Variants in GAK observed in about 807,000 individuals in gnomAD.
GAK encodes the protein cyclin-G-associated kinase.
Under a neutral mutation model 143.9 loss-of-function variants are expected in GAK, and 79 were observed. The observed-to-expected ratio is 0.55, with a 90% CI of 0.46 to 0.66. GAK has a LOEUF of 0.66. Among genes scored for constraint, GAK ranks in the 30% least tolerant of loss-of-function variants. The pLI is 0.00. For synonymous variants in GAK, 881 were observed against 765.5 expected, an observed-to-expected ratio of 1.15 and a Z score of -2.49; for missense variants, 1,693 against 1,779.7, an observed-to-expected ratio of 0.95 and a Z score of 0.88.
chr4:890,540 T>C lies in GAK; in HGVS notation c.1073A>G (p.Tyr358Cys), dbSNP rs1717424984. 6.2e-7 allele frequency: 1 copy of C among 1,607,930 alleles called. No homozygotes were observed. The highest frequency in any genetic ancestry group is 8.5e-7 in the Non-Finnish European group (1 of 1,177,512). The change falls in exon 10 of 28, where the codon TAC becomes TGC. Residue 358 changes from tyrosine (Y) to cysteine (C), a missense_variant. By Grantham distance (194) the Tyr-to-Cys change is radical. Around this residue, in one of 2 missense-constraint regions of GAK, gnomAD observed 871 missense variants for 991.0 expected, o/e 0.88. Coordinates refer to ENST00000314167, the MANE Select transcript of GAK (RefSeq NM_005255.4). ...CAGGACAGGGCACTCACCTCCACTG[T>C]AGCCACTGCCAGCGGGGCCCACGGG... ...PPPVGPAGSG[Y>C]SGGLALAEYD...
At chr4:886,246 A>G in intron 11 of GAK, 1 of 152,336 alleles carries the variant, frequency 6.6e-6, no homozygotes, top group Non-Finnish European at 1.5e-5. Flanking sequence ...CCATCCCCTA[A>G]CAAGCAGCAG....
At chr4:881,882 C>G in intron 15 of GAK, 25 bp downstream of exon 15, 1 of 1,553,106 alleles carries the variant, frequency 6.4e-7, no homozygotes. Context: ...GAGCTGTCCC[C>G]TGTCCCCGGA....
chr4:881,016 G>A (rs1006955856), intron 15 of GAK, among the ~76,000 whole-genome samples: 1 of 152,190 alleles, frequency 6.6e-6, no homozygotes, highest in African/African-American at 2.4e-5. Flanking sequence ...GACAAAGCTG[G>A]ATGGGGCGGC....
At chr4:858,353 CGCCCACCGAGCCAGCAGGCG>C (rs1560285187) in intron 24 of GAK, among the ~76,000 whole-genome samples, 2 of 152,198 alleles carry the variant, frequency 1.3e-5, no homozygotes, top group African/African-American at 4.8e-5. Flanking sequence ...GGTTTCAGGC[CGCCCACCGAGCCAGCAGGCG>C]GAGGGCTGGG....
At chr4:899,384 AGATG>A (rs1719418415) in intron 5 of GAK, among the ~76,000 whole-genome samples, 2 of 151,832 alleles carry the variant, frequency 1.3e-5, no homozygotes. Flanking sequence ...CGCCAGCCAC[AGATG>A]GAAGGTGCTC....
intron 9 of GAK, among the ~76,000 whole-genome samples, chr4:891,107 C>A (rs1024380687): frequency 2.6e-5 from 4 of 152,004 alleles, no homozygotes; most frequent in Non-Finnish European, 5.9e-5. Flanking sequence ...TACAGGCATG[C>A]GCCACCACGC....
chr4:892,079 G>A (rs1717784631), intron 9 of GAK, among the ~76,000 whole-genome samples: 2 of 152,042 alleles, frequency 1.3e-5, no homozygotes, highest in South Asian at 4.1e-4. Context: ...GGCCCCCAAG[G>A]AACTGCAAAC....
chr4:849,901 G>A lies in GAK; in HGVS notation c.3825C>T (p.His1275=). The A allele has an allele frequency of 3.7e-6, 6 of 1,601,068 alleles. No individual in the cohort carries two copies. The highest frequency in any genetic ancestry group is 1.3e-5 in the African/African-American group (1 of 74,500). ...TGGCAGCTCTGCTCACCTTGTCGGGGTGCACAGCCAGCACCGCGCGGCGAT... is the reference window on the plus strand; with the variant it reads ...TGGCAGCTCTGCTCACCTTGTCGGGATGCACAGCCAGCACCGCGCGGCGAT... ...KHYRRAVLAV[H]PDKAAGQPYE... is the part of the protein sequence containing the mutation. The change falls in exon 27 of 28, where the codon CAC becomes CAT. Residue 1275 remains histidine (H), a synonymous_variant. Transcript: ENST00000314167.
chr4:870,877 T>C lies in GAK; in HGVS notation c.2082A>G (p.Gln694=), dbSNP rs905447547. The part of the protein sequence containing the change: ...AKYDLDACDI[Q]EKYPDLFQVN... Reference sequence around the variant, plus strand: ...CTTGAAATAAATCCGGGTATTTTTCTTGAATGTCACACGCGTCCAGGTCAT... The same window carrying C: ...CTTGAAATAAATCCGGGTATTTTTCCTGAATGTCACACGCGTCCAGGTCAT... The change falls in exon 19 of 28, where the codon CAA becomes CAG. Residue 694 remains glutamine, a synonymous_variant. Coordinates refer to ENST00000314167, the MANE Select transcript of GAK (RefSeq NM_005255.4). 1.9e-6 allele frequency: 3 copies of C among 1,613,764 alleles called. No individual in the cohort carries two copies. The highest frequency in any genetic ancestry group is 1.7e-6 in the Non-Finnish European group (2 of 1,179,854).
chr4:921,212 C>G (rs963300221), intron 1 of GAK, among the ~76,000 whole-genome samples: 1 of 152,196 alleles, frequency 6.6e-6, no homozygotes, highest in Non-Finnish European at 1.5e-5. Flanking sequence ...AAGCGATTCT[C>G]CTGCCTCAGT....
chr4:898,147 C>G lies in GAK; in HGVS notation c.537G>C (p.Leu179Phe), dbSNP rs1346441760. 6.2e-7 allele frequency: 1 copy of G among 1,614,080 alleles called. No homozygotes were observed. The highest frequency in any genetic ancestry group is 1.1e-5 in the South Asian group (1 of 91,066). ...TAATGGTCCCTTGGTTACTAAGCAA[C>G]AAGTTCTCAACCTGTAAAATTCCAC... ...IIHRDLKVEN[L>F]LLSNQGTIKL... The change falls in exon 6 of 28, where the codon TTG (leucine) becomes TTC (phenylalanine). Residue 179 changes from leucine (L) to phenylalanine (F), a missense_variant. This residue lies in a region of GAK where 871 missense variants were observed against 991.0 expected (regional missense o/e 0.88). Transcript: ENST00000314167.
intron 7 of GAK, chr4:894,221 C>A: frequency 2.8e-6 from 1 of 355,928 alleles, no homozygotes. Flanking sequence ...CCGGGGCCTG[C>A]GGGAACAACA....
At chr4:887,032 C>T (rs1217495348) in intron 11 of GAK, 1 of 152,426 alleles carries the variant, frequency 6.6e-6, no homozygotes, top group Non-Finnish European at 1.5e-5. Flanking sequence ...TCACACAGCA[C>T]TCCTACACAT....
intron 22 of GAK, 67 bp downstream of exon 22, chr4:866,297 C>T: frequency 3.3e-6 from 5 of 1,500,416 alleles, no homozygotes; most frequent in Non-Finnish European, 4.6e-6. Context: ...GCTCTGTTTC[C>T]CACCAGAGGC....
chr4:852,826 G>C (rs563639015), intron 24 of GAK: 1 of 152,376 alleles, frequency 6.6e-6, no homozygotes, highest in East Asian at 1.9e-4. Context: ...CATCCCCCAG[G>C]GAGGGCGTCT....
intron 5 of GAK, among the ~76,000 whole-genome samples, chr4:903,055 G>A (rs1326744412): frequency 6.6e-6 from 1 of 152,048 alleles, no homozygotes; most frequent in African/African-American, 2.4e-5. Flanking sequence ...GTCCTCTGTG[G>A]GGCTGTGGGA....
At chr4:926,485 C>T (rs571951611) in intron 1 of GAK, among the ~76,000 whole-genome samples, 5 of 152,330 alleles carry the variant, frequency 3.3e-5, no homozygotes, top group East Asian at 1.9e-4. Context: ...TCTCTGCAAA[C>T]GTCACTTTTC....
chr4:908,720 T>C (rs745598994), intron 4 of GAK, among the ~76,000 whole-genome samples: 5 of 152,170 alleles, frequency 3.3e-5, no homozygotes, highest in Non-Finnish European at 7.4e-5. Flanking sequence ...CCCAGGAGTT[T>C]GAAGCTACAG....
At chr4:864,695 C>T (rs752576322) in intron 23 of GAK, among the ~76,000 whole-genome samples, 4 of 152,014 alleles carry the variant, frequency 2.6e-5, no homozygotes, top group East Asian at 3.9e-4. Context: ...GGGCATCGGC[C>T]GCAACACCGA....
Sources: allele counts gnomAD v4.1 joint callset (sites outside exome capture counted in the v4.1 genomes callset), GRCh38; gene constraint gnomAD v4.1.1; regional missense constraint gnomAD v4.1.1; transcripts MANE v1.5; gene names NCBI Gene and HGNC (gene_info 2026-07-23, HGNC 2026-07-21).